The following CSGALNACT2 variants were observed in gnomAD, a reference collection of about 807,000 sequenced individuals.
The protein encoded by CSGALNACT2 is chondroitin sulfate N-acetylgalactosaminyltransferase 2.
A neutral mutation model predicts 55.3 loss-of-function variants in CSGALNACT2; 35 were observed. The observed-to-expected ratio is 0.63, with a 90% CI of 0.48 to 0.84. CSGALNACT2 has a LOEUF of 0.84. Ranked by LOEUF, CSGALNACT2 falls within the 40% of genes least tolerant of loss-of-function variation. The pLI is 0.00. For missense variants in CSGALNACT2, 544 were observed against 657.5 expected (o/e 0.83, Z 1.89); for synonymous variants, 196 against 224.9 (o/e 0.87, Z 1.15).
chr10:43,146,002 TA>T (rs1237436526), intron 1 of CSGALNACT2, among the ~76,000 whole-genome samples: 2 of 152,256 alleles, frequency 1.3e-5, no homozygotes, highest in Non-Finnish European at 1.5e-5. Flanking sequence ...ACTCTCTCTC[TA>T]AAAAAAGATT....
Position 43,183,622 on chromosome 10 carries a change from C to G in CSGALNACT2, c.*80C>G, listed in dbSNP as rs1839636373. On this transcript the variant is annotated 3_prime_UTR_variant, in exon 8 of 8. Transcript: ENST00000374466. Reference sequence around the variant, plus strand: ...CTTACTTCTACTTCCAGATGCAGTGCCTCTTTTGGAGAAGACATGTTTATT... The same window carrying G: ...CTTACTTCTACTTCCAGATGCAGTGGCTCTTTTGGAGAAGACATGTTTATT... The G allele has an allele frequency of 8.9e-7, 1 of 1,127,992 alleles. No individual in the cohort carries two copies. Among genetic ancestry groups the G allele is most frequent in the Non-Finnish European group, 1.3e-6 (1 of 765,652 alleles). The allele number at this position is 1,127,992 out of a possible 1,614,324, so 69.9% of individuals were successfully genotyped here. A position where few individuals can be genotyped will look rare whatever the true frequency, so the allele number is the denominator to read the frequency against.
At chr10:43,140,055 G>A (rs771742226) in intron 1 of CSGALNACT2, among the ~76,000 whole-genome samples, 8 of 152,300 alleles carry the variant, frequency 5.3e-5, no homozygotes, top group South Asian at 2.1e-4. Flanking sequence ...TTAGCCAGGC[G>A]TGGTGGCGGG....
intron 7 of CSGALNACT2, among the ~76,000 whole-genome samples, chr10:43,178,666 A>G (rs1588915527): frequency 6.6e-6 from 1 of 151,658 alleles, no homozygotes; most frequent in African/African-American, 2.4e-5. Context: ...CTATGTAAAT[A>G]GTTGTTATAT....
rs1839279252 is a variant in CSGALNACT2 at position 43,167,008 on chromosome 10, G to C, written c.1164G>C (p.Lys388Asn). The change falls in exon 6 of 8, where the codon AAG becomes AAC. Residue 388 changes from lysine to asparagine, a missense_variant. By Grantham distance (94) the Lys-to-Asn change is moderately conservative. Around this residue, in one of 2 missense-constraint regions of CSGALNACT2, gnomAD observed 170 missense variants for 256.2 expected, o/e 0.66. Coordinates refer to ENST00000374466, the MANE Select transcript of CSGALNACT2 (RefSeq NM_018590.5). ...NSCRLNAEPGKKVFYPVVFSL... is the reference protein window; with the variant it reads ...NSCRLNAEPGNKVFYPVVFSL... ...AACCTATATTTTAATTTGTAGGTAA[G>C]AAGGTGTTTTACCCTGTGGTGTTCA... 1 of 1,597,984 alleles carries C rather than the reference G, an allele frequency of 6.3e-7. No homozygotes were observed. The highest frequency in any genetic ancestry group is 1.7e-5 in the Admixed American group (1 of 59,552).
At chr10:43,151,862 G>C (rs140655236) in intron 1 of CSGALNACT2, among the ~76,000 whole-genome samples, 1 of 152,148 alleles carries the variant, frequency 6.6e-6, no homozygotes. Context: ...GTTACCTGAT[G>C]TTAAATATCT....
At chr10:43,169,875 A>G (rs1197715459) in intron 6 of CSGALNACT2, among the ~76,000 whole-genome samples, 2 of 152,222 alleles carry the variant, frequency 1.3e-5, no homozygotes, top group African/African-American at 4.8e-5. Context: ...CAATAAAGCA[A>G]TACTATGAAA....
intron 7 of CSGALNACT2, among the ~76,000 whole-genome samples, chr10:43,182,990 G>A (rs2133162432): frequency 6.6e-6 from 1 of 151,966 alleles, no homozygotes; most frequent in South Asian, 2.1e-4. Context: ...ACAGGACTTT[G>A]AAATTTACAA....
chr10:43,154,833 CACAA>C (rs1838958752), intron 1 of CSGALNACT2, 60 bp from the exon 2 acceptor site: 1 of 256,884 alleles, frequency 3.9e-6, no homozygotes, highest in African/African-American at 2.2e-5. Flanking sequence ...TTACTGAAGC[CACAA>C]ACAAATTTGA....
In CSGALNACT2 at chr10:43,163,942, G is replaced by T. The variant is rs1299752688; in HGVS notation, c.1057G>T (p.Ala353Ser). 2.5e-6 allele frequency: 4 copies of T among 1,614,126 alleles called. No individual in the cohort carries two copies. The highest frequency in any genetic ancestry group is 3.4e-6 in the Non-Finnish European group (4 of 1,180,000). ...FNRGRGLNVGARAWDKGEVLM... is the reference protein window; with the variant it reads ...FNRGRGLNVGSRAWDKGEVLM... ...TCGTGGACGAGGACTAAATGTGGGT[G>T]CCCGAGCTTGGGACAAGGGAGAGGT... Residue 353 changes from alanine to serine, a missense_variant, in exon 5 of 8, where the codon GCC (alanine) becomes TCC (serine). Around this residue, in one of 2 missense-constraint regions of CSGALNACT2, gnomAD observed 170 missense variants for 256.2 expected, o/e 0.66. Transcript: ENST00000374466.
chr10:43,168,785 G>A (rs1839323889), intron 6 of CSGALNACT2, among the ~76,000 whole-genome samples: 1 of 151,924 alleles, frequency 6.6e-6, no homozygotes, highest in Non-Finnish European at 1.5e-5. Flanking sequence ...GAGCACCCAC[G>A]TCTGCCATAT....
chr10:43,156,821 T>G (rs968692759), intron 2 of CSGALNACT2, among the ~76,000 whole-genome samples: 1 of 152,232 alleles, frequency 6.6e-6, no homozygotes, highest in African/African-American at 2.4e-5. Context: ...CTTGCCAGGC[T>G]CCCATCACTC....
intron 6 of CSGALNACT2, among the ~76,000 whole-genome samples, chr10:43,174,392 A>C (rs1564520347): frequency 6.6e-6 from 1 of 152,134 alleles, no homozygotes; most frequent in Non-Finnish European, 1.5e-5. Context: ...TATTCCTGCT[A>C]TCTGCAGGAA....
Position 43,174,355 on chromosome 10 carries a change from A to C in CSGALNACT2, c.1255-1596A>C, listed in dbSNP as rs912096862. Among the ~76,000 whole-genome samples, 3 of 152,112 alleles carry C rather than the reference A, an allele frequency of 2.0e-5. No individual in the cohort carries two copies. The South Asian group carries it at 6.2e-4, about 32-fold the overall frequency. ...ATTTCAGACTGTGCCCACTCTTCTC[A>C]AAATTTGTCACCTCTGCAGACCTTG... On this transcript the variant is annotated intron_variant, in intron 6 of 7. Transcript: ENST00000374466.
intron 2 of CSGALNACT2, among the ~76,000 whole-genome samples, chr10:43,157,557 ACTGCT>A (rs1264679420): frequency 3.9e-5 from 6 of 152,106 alleles, no homozygotes; most frequent in Non-Finnish European, 2.9e-5. Flanking sequence ...GTACATTCAT[ACTGCT>A]TGTCACAGTA....
intron 6 of CSGALNACT2, among the ~76,000 whole-genome samples, chr10:43,175,025 T>C (rs1839451700): frequency 6.6e-6 from 1 of 152,258 alleles, no homozygotes. Flanking sequence ...GACAGCCTCA[T>C]ATTAAAGCTG....
chr10:43,181,361 T>G lies in CSGALNACT2; in HGVS notation c.1337-1889T>G, dbSNP rs1588917420. Among the ~76,000 whole-genome samples the G allele has an allele frequency of 2.0e-5, 3 of 152,210 alleles. No homozygotes were observed. The South Asian group carries it at 6.2e-4, about 31-fold the overall frequency. On this transcript the variant is annotated intron_variant, in intron 7 of 7. Coordinates refer to ENST00000374466, the MANE Select transcript of CSGALNACT2 (RefSeq NM_018590.5). ...TGAGAGACCTAAGAGGAGTTGTTGC[T>G]TTTTCAGTGTTCAGCTTTTGACTTG...
rs754367802 is a variant in CSGALNACT2 at position 43,173,847 on chromosome 10, G to T, written c.1255-2104G>T. On this transcript the variant is annotated intron_variant, in intron 6 of 7. Transcript: ENST00000374466. ...GTCTCTACTATAAATACCAAAATTA[G>T]CCAGGTGTGGTGGCGCACACCTGTA... is the stretch of plus-strand genomic sequence containing the variant. Among the ~76,000 whole-genome samples, 15 of 152,182 alleles carry T rather than the reference G, an allele frequency of 9.9e-5. 1 individual carries two copies. Among genetic ancestry groups the T allele is most frequent in the Non-Finnish European group, 1.8e-4 (12 of 68,006 alleles).
intron 6 of CSGALNACT2, among the ~76,000 whole-genome samples, chr10:43,170,971 C>G (rs1205172515): frequency 1.3e-5 from 2 of 152,106 alleles, no homozygotes; most frequent in Admixed American, 1.3e-4. Context: ...ACTGAGAAAC[C>G]ATCATAGCCA....
chr10:43,168,659 G>A (rs1209880111), intron 6 of CSGALNACT2, among the ~76,000 whole-genome samples: 1 of 132,606 alleles, frequency 7.5e-6, no homozygotes, highest in Non-Finnish European at 1.6e-5. Flanking sequence ...TCAACACTTG[G>A]CATAGTACAC....
Sources: allele counts gnomAD v4.1 joint callset (sites outside exome capture counted in the v4.1 genomes callset), GRCh38; gene constraint gnomAD v4.1.1; regional missense constraint gnomAD v4.1.1; transcripts MANE v1.5; gene names NCBI Gene and HGNC (gene_info 2026-07-23, HGNC 2026-07-21).